Variants in LMBR1 observed in about 807,000 individuals in gnomAD.
LMBR1 encodes limb region 1 protein homolog.
In LMBR1, 52 loss-of-function variants were observed where a neutral mutation model predicts 73.9. That is an observed-to-expected ratio of 0.70 (90% CI 0.56 to 0.89). LMBR1 has a LOEUF of 0.89. Ranked by LOEUF, LMBR1 falls within the 40% of genes least tolerant of loss-of-function variation. The pLI is 0.00. For missense variants in LMBR1, 539 were observed against 579.8 expected (o/e 0.93, Z 0.72); for synonymous variants, 215 against 209.4 (o/e 1.03, Z -0.23).
At position 156,791,873 on chromosome 7, in the gene LMBR1, G is replaced by C. The variant is rs10254391; in HGVS notation, c.423+4516C>G. ...CTTCAAATCAAACATAGGCATTAAA[G>C]TTAAGTACAATAGAAATTTACTCCC... On this transcript the variant is annotated intron_variant, in intron 5 of 16. Transcript: ENST00000353442. Among the ~76,000 whole-genome samples, 46,638 of 151,912 alleles carry C rather than the reference G, an allele frequency of 0.31. 7,465 individuals are homozygous for C. The highest frequency in any genetic ancestry group is 0.56 in the East Asian group (2,891 of 5,164).
intron 1 of LMBR1, among the ~76,000 whole-genome samples, chr7:156,846,144 A>C (rs1795447141): frequency 6.6e-6 from 1 of 152,030 alleles, no homozygotes; most frequent in South Asian, 2.1e-4. Flanking sequence ...AGCCGGCATG[A>C]ACATGTAGTG....
At chr7:156,751,275 G>C (rs747946365) in intron 9 of LMBR1, among the ~76,000 whole-genome samples, 1 of 152,088 alleles carries the variant, frequency 6.6e-6, no homozygotes, top group Non-Finnish European at 1.5e-5. Flanking sequence ...TGATACAATC[G>C]ATATCCACAA....
Position 156,728,670 on chromosome 7 carries a change from C to T in LMBR1, c.889G>A (p.Val297Ile). Residue 297 changes from valine (V) to isoleucine (I), a missense_variant, in exon 11 of 17, where the codon GTT (valine) becomes ATT (isoleucine). This residue lies in a region of LMBR1 where 454 missense variants were observed against 473.4 expected (regional missense o/e 0.96). Coordinates refer to ENST00000353442, the MANE Select transcript of LMBR1 (RefSeq NM_022458.4). ...GTCTCAATAAGAAGGAGAACCATAA[C>T]AGCGGGATACACCAAATTTCTTTCC... ...AWERNLVYPAVMVLLLIETSI... is the reference protein window; with the variant it reads ...AWERNLVYPAIMVLLLIETSI... The T allele has an allele frequency of 6.2e-7, 1 of 1,602,712 alleles. No homozygotes were observed. Among genetic ancestry groups the T allele is most frequent in the Middle Eastern group, 1.7e-4 (1 of 6,006 alleles).
intron 1 of LMBR1, among the ~76,000 whole-genome samples, chr7:156,839,047 CTTTTTTT>C (rs1164786244): frequency 2.0e-5 from 2 of 98,518 alleles, no homozygotes; most frequent in Non-Finnish European, 2.0e-5. Flanking sequence ...TAGTCCTTTG[CTTTTTTT>C]TTTTTTTTTT....
intron 15 of LMBR1, among the ~76,000 whole-genome samples, chr7:156,697,421 G>A (rs1018280731): frequency 1.3e-4 from 20 of 152,226 alleles, no homozygotes; most frequent in Middle Eastern, 6.8e-3. Flanking sequence ...TTACCAGGGC[G>A]GAGTTTTTCC....
chr7:156,741,052 T>C (rs1314436692), intron 9 of LMBR1, among the ~76,000 whole-genome samples: 1 of 140,706 alleles, frequency 7.1e-6, no homozygotes, highest in East Asian at 1.9e-4. Context: ...TTCTTTTTGC[T>C]TGTTTGTTTT....
At chr7:156,815,207 C>T (rs886437732) in intron 4 of LMBR1, among the ~76,000 whole-genome samples, 1 of 148,810 alleles carries the variant, frequency 6.7e-6, no homozygotes, top group African/African-American at 2.5e-5. Flanking sequence ...CTGACATACA[C>T]CAGCATTTAG....
chr7:156,772,541 A>C (rs1028687852), intron 5 of LMBR1, among the ~76,000 whole-genome samples: 5 of 152,108 alleles, frequency 3.3e-5, no homozygotes. Context: ...TGGCCAGAGC[A>C]ATCTGGCAAG....
chr7:156,695,174 T>A (rs1585221954), intron 15 of LMBR1, among the ~76,000 whole-genome samples: 1 of 152,222 alleles, frequency 6.6e-6, no homozygotes, highest in East Asian at 1.9e-4. Flanking sequence ...ATGGCCATAG[T>A]GGTGAATGCC....
At chr7:156,858,698 A>G (rs1797313183) in intron 1 of LMBR1, among the ~76,000 whole-genome samples, 1 of 152,228 alleles carries the variant, frequency 6.6e-6, no homozygotes, top group Admixed American at 6.5e-5. Flanking sequence ...CAGTATATAA[A>G]AAGAATTATA....
At chr7:156,837,027 T>G (rs1327137968) in intron 1 of LMBR1, 142 bp from the exon 2 acceptor site, 6 of 627,114 alleles carry the variant, frequency 9.6e-6, no homozygotes, top group Non-Finnish European at 1.4e-5. Context: ...CTCATTAAAG[T>G]TTTAATAAAA....
At chr7:156,761,888 A>G (rs913613200) in intron 8 of LMBR1, among the ~76,000 whole-genome samples, 5 of 150,734 alleles carry the variant, frequency 3.3e-5, no homozygotes, top group African/African-American at 1.2e-4. Flanking sequence ...GAGGCAGGAG[A>G]AAGGTGTGAA....
At chr7:156,741,848 T>A (rs1818955348) in intron 9 of LMBR1, among the ~76,000 whole-genome samples, 1 of 152,132 alleles carries the variant, frequency 6.6e-6, no homozygotes, top group African/African-American at 2.4e-5. Context: ...AGAATAAACA[T>A]CCTTCTCCTC....
chr7:156,822,885 G>A (rs118139658), intron 4 of LMBR1: 4,837 of 152,258 alleles, frequency 0.032, 122 homozygotes, highest in South Asian at 0.084. Context: ...CGAAGAGGGT[G>A]GATCACTTGA....
intron 3 of LMBR1, among the ~76,000 whole-genome samples, chr7:156,832,567 T>C (rs1836873169): frequency 6.6e-6 from 1 of 152,244 alleles, no homozygotes; most frequent in Admixed American, 6.5e-5. Flanking sequence ...TGTGTCTGGC[T>C]TCGCTCACTT....
At chr7:156,798,145 A>T (rs556141838) in intron 4 of LMBR1, among the ~76,000 whole-genome samples, 3 of 152,214 alleles carry the variant, frequency 2.0e-5, no homozygotes, top group African/African-American at 7.2e-5. Context: ...ATGTGACAAC[A>T]TTGCTAAATC....
At chr7:156,694,621 A>G (rs1807896534) in intron 15 of LMBR1, among the ~76,000 whole-genome samples, 1 of 152,236 alleles carries the variant, frequency 6.6e-6, no homozygotes. Context: ...TAGGCAGAGA[A>G]AAAGTAAAAT....
At chr7:156,794,897 C>T (rs1829842714) in intron 5 of LMBR1, among the ~76,000 whole-genome samples, 1 of 152,004 alleles carries the variant, frequency 6.6e-6, no homozygotes, top group Admixed American at 6.5e-5. Context: ...TGCACAAAGT[C>T]TAAAATGCAT....
rs1823682589 is a variant in LMBR1, at chr7:156,764,280, T to C, written c.424-485A>G. 2.0e-5 allele frequency among the ~76,000 whole-genome samples: 3 copies of C among 152,180 alleles called. No homozygotes were observed. The South Asian group carries it at 6.2e-4, about 32-fold the overall frequency. On this transcript the variant is annotated intron_variant, in intron 5 of 16. Coordinates refer to ENST00000353442, the MANE Select transcript of LMBR1 (RefSeq NM_022458.4). ...CCTCTACTGTGCCGCTGAAGAACTG[T>C]CCATTGTAATCCAGCATTATAAACT...
Sources: allele counts gnomAD v4.1 joint callset (sites outside exome capture counted in the v4.1 genomes callset), GRCh38; gene constraint gnomAD v4.1.1; regional missense constraint gnomAD v4.1.1; transcripts MANE v1.5; gene names NCBI Gene and HGNC (gene_info 2026-07-23, HGNC 2026-07-21).